Variants in TTC6 observed in about 807,000 individuals in gnomAD.
TTC6 encodes tetratricopeptide repeat domain 6, also known as tetratricopeptide repeat protein 6.
Under a neutral mutation model 210.4 loss-of-function variants are expected in TTC6, and 172 were observed. That is an observed-to-expected ratio of 0.82 (90% confidence interval 0.72 to 0.93). The LOEUF (loss-of-function observed/expected upper bound fraction) is 0.93, where lower values mean the gene tolerates loss of function less well. Among genes scored for constraint, TTC6 ranks in the 40% least tolerant of loss-of-function variants. TTC6 has a pLI of 0.00. For missense variants in TTC6, 2,414 were observed against 2,318.1 expected (o/e 1.04, Z -0.85); for synonymous variants, 804 against 819.6 (o/e 0.98, Z 0.32).
intron 7 of TTC6, among the ~76,000 whole-genome samples, chr14:37,730,343 T>TGGTTATTTAA (rs1238678093): frequency 2.0e-5 from 3 of 152,198 alleles, no homozygotes; most frequent in Admixed American, 6.5e-5. Flanking sequence ...TACATTTTCA[T>TGGTTATTTAA]GGTTATTTAA....
chr14:37,750,908 G>T, intron 12 of TTC6, 145 bp from the exon 15 acceptor site: 2 of 471,422 alleles, frequency 4.2e-6, no homozygotes, highest in African/African-American at 4.0e-5. Flanking sequence ...AAATAAAATA[G>T]AATAAAATAA....
intron 1 of TTC6, among the ~76,000 whole-genome samples, chr14:37,637,916 C>G (rs1430974746): frequency 6.6e-6 from 1 of 152,184 alleles, no homozygotes; most frequent in Admixed American, 6.5e-5. Context: ...CTCTGGAAAA[C>G]AGTTTGGCAG....
chr14:37,718,930 C>G (rs773118381), intron 6 of TTC6, among the ~76,000 whole-genome samples: 9 of 151,530 alleles, frequency 5.9e-5, no homozygotes, highest in Non-Finnish European at 1.3e-4. Flanking sequence ...ATCCCCATGT[C>G]AATAAATAAA....
At chr14:37,807,417 T>A in exon 23 of TTC6, 1 of 1,530,320 alleles carries the variant, frequency 6.5e-7, no homozygotes, top group African/African-American at 1.4e-5. Flanking sequence ...CCTGAAAGCG[T>A]ACGTGCCTAT....
chr14:37,799,479 C>T (rs1213419126), intron 20 of TTC6, among the ~76,000 whole-genome samples: 1 of 152,106 alleles, frequency 6.6e-6, no homozygotes, highest in Non-Finnish European at 1.5e-5. Flanking sequence ...TGACCCTCAA[C>T]AAGTTATGCC....
chr14:37,770,817 T>A (rs1461935192), intron 14 of TTC6, among the ~76,000 whole-genome samples: 1 of 150,106 alleles, frequency 6.7e-6, no homozygotes, highest in East Asian at 2.0e-4. Flanking sequence ...AAAGTTAATA[T>A]TGTTATGTGT....
intron 1 of TTC6, among the ~76,000 whole-genome samples, chr14:37,631,467 C>T (rs953541863): frequency 1.3e-5 from 2 of 152,166 alleles, no homozygotes; most frequent in Non-Finnish European, 1.5e-5. Flanking sequence ...TGTAGGGTTT[C>T]TGCTGAGAGA....
At chr14:37,596,463 G>A (rs1002658235) in intron 1 of TTC6, among the ~76,000 whole-genome samples, 5 of 152,248 alleles carry the variant, frequency 3.3e-5, no homozygotes, top group African/African-American at 9.6e-5. Flanking sequence ...GGACGTCGGT[G>A]GGAGAGTCTT....
chr14:37,727,863 C>A (rs2095876825), intron 7 of TTC6, among the ~76,000 whole-genome samples: 1 of 151,900 alleles, frequency 6.6e-6, no homozygotes, highest in South Asian at 2.1e-4. Context: ...AAAATATATT[C>A]TTCAAAATAC....
Position 37,749,181 on chromosome 14 carries a change from AC to A in TTC6, c.2609del (p.Pro870HisfsTer5). 6.5e-7 allele frequency: 1 copy of A among 1,534,728 alleles called. No homozygotes were observed. Among genetic ancestry groups the A allele is most frequent in the Non-Finnish European group, 8.7e-7 (1 of 1,146,450 alleles). On this transcript the variant is annotated frameshift_variant, in exon 11 of 31. Transcript: ENST00000553443. LOFTEE classifies it high-confidence loss of function. ...GATGATAAAATATCAGTTCCTGAAGACCCACCTGAAAGAGTGAAAGAACCAC... is the reference window on the plus strand; with the variant it reads ...GATGATAAAATATCAGTTCCTGAAGACCACCTGAAAGAGTGAAAGAACCAC...
At position 37,811,119 on chromosome 14, in the gene TTC6, C is replaced by T. The variant is rs574616610; in HGVS notation, c.4570-1195C>T. On this transcript the variant is annotated intron_variant, in intron 24 of 30. Transcript: ENST00000553443. The stretch of plus-strand genomic sequence containing the variant: ...CAAAACCTGTGTGCTCCCATCCCTA[C>T]CCCTTACCCTCGTTGACCTTTACGA... Among the ~76,000 whole-genome samples the T allele has an allele frequency of 2.6e-5, 4 of 152,260 alleles. No individual in the cohort carries two copies. In the East Asian group the frequency reaches 7.7e-4, roughly 29 times the overall value.
chr14:37,688,389 G>A (rs1231545090), intron 3 of TTC6, among the ~76,000 whole-genome samples: 1 of 152,144 alleles, frequency 6.6e-6, no homozygotes, highest in Non-Finnish European at 1.5e-5. Flanking sequence ...AATGACATAG[G>A]TCTGGCTGGT....
chr14:37,682,662 A>G (rs1388278850), intron 2 of TTC6, 96 bp from the exon 5 acceptor site: 2 of 1,042,666 alleles, frequency 1.9e-6, no homozygotes, highest in African/African-American at 3.2e-5. Context: ...ATGCGTTTTC[A>G]TATTCATCTT....
At chr14:37,609,733 G>A (rs74045683) in intron 2 of TTC6, among the ~76,000 whole-genome samples, 2,741 of 152,234 alleles carry the variant, frequency 0.018, 81 homozygotes, top group African/African-American at 0.063. Context: ...TTAGGAACAT[G>A]GCATGTATAT....
chr14:37,787,711 G>T, intron 15 of TTC6, 74 bp downstream of exon 17: 1 of 1,209,666 alleles, frequency 8.3e-7, no homozygotes, highest in South Asian at 2.4e-5. Flanking sequence ...AGTGGTGAAT[G>T]GTAATGTGGG....
intron 1 of TTC6, among the ~76,000 whole-genome samples, chr14:37,660,202 C>T (rs1031746098): frequency 6.7e-6 from 1 of 149,176 alleles, no homozygotes; most frequent in Non-Finnish European, 1.5e-5. Flanking sequence ...ATGGTATTGC[C>T]TAGGTTGTCT....
chr14:37,612,977 T>C (rs1367909346), intron 2 of TTC6, among the ~76,000 whole-genome samples: 1 of 152,164 alleles, frequency 6.6e-6, no homozygotes, highest in Non-Finnish European at 1.5e-5. Context: ...TTTTATTTCT[T>C]TACCTTGCCA....
intron 1 of TTC6, among the ~76,000 whole-genome samples, chr14:37,678,537 C>G (rs1156626085): frequency 6.6e-6 from 1 of 152,182 alleles, no homozygotes; most frequent in Non-Finnish European, 1.5e-5. Context: ...CTTACAAATT[C>G]TAGCCCCTTT....
intron 7 of TTC6, among the ~76,000 whole-genome samples, chr14:37,735,326 G>T (rs902940538): frequency 2.0e-5 from 3 of 152,106 alleles, no homozygotes; most frequent in Non-Finnish European, 4.4e-5. Context: ...ATCTACCCGG[G>T]TGTCGAATTT....
Sources: allele counts gnomAD v4.1 joint callset (sites outside exome capture counted in the v4.1 genomes callset), GRCh38; gene constraint gnomAD v4.1.1; transcripts MANE v1.5; gene names NCBI Gene and HGNC (gene_info 2026-07-23, HGNC 2026-07-21).